Variants in KCNQ5 observed in about 807,000 individuals in gnomAD.
The protein encoded by KCNQ5 is potassium voltage-gated channel subfamily KQT member 5.
Under a neutral mutation model 98.2 loss-of-function variants are expected in KCNQ5, and 30 were observed. The observed-to-expected ratio is 0.31, with a 90% CI of 0.23 to 0.41. The LOEUF (loss-of-function observed/expected upper bound fraction) is 0.41, where lower values mean the gene tolerates loss of function less well. Among genes scored for constraint, KCNQ5 ranks in the 10% least tolerant of loss-of-function variants. The pLI, the probability that KCNQ5 is intolerant of heterozygous loss-of-function variation, is 1.00. For synonymous variants in KCNQ5, 458 were observed against 449.4 expected (o/e 1.02, Z -0.24); for missense variants, 835 against 1,182.5 (o/e 0.71, Z 4.31).
chr6:72,736,551 G>C (rs1310182632), intron 1 of KCNQ5, among the ~76,000 whole-genome samples: 3 of 128,648 alleles, frequency 2.3e-5, no homozygotes, highest in Admixed American at 1.9e-4. Context: ...CCAGGCTGGA[G>C]TGCAGTGGCG....
intron 1 of KCNQ5, among the ~76,000 whole-genome samples, chr6:72,738,644 G>A (rs1275556663): frequency 6.6e-6 from 1 of 152,054 alleles, no homozygotes; most frequent in Non-Finnish European, 1.5e-5. Context: ...AGAAATTAGG[G>A]CAACCAAGAT....
At chr6:72,817,616 G>T (rs752273764) in intron 1 of KCNQ5, among the ~76,000 whole-genome samples, 2 of 152,122 alleles carry the variant, frequency 1.3e-5, no homozygotes, top group Non-Finnish European at 1.5e-5. Context: ...ACTGAGGGCC[G>T]AGCTCAGTTG....
chr6:72,769,884 G>C (rs1296458122), intron 1 of KCNQ5, among the ~76,000 whole-genome samples: 3 of 152,126 alleles, frequency 2.0e-5, no homozygotes, highest in African/African-American at 7.2e-5. Context: ...CTGTTAATTT[G>C]ATAGAAGTGG....
chr6:73,021,095 G>A (rs532152623), intron 2 of KCNQ5, among the ~76,000 whole-genome samples: 14 of 152,026 alleles, frequency 9.2e-5, no homozygotes, highest in South Asian at 8.3e-4. Flanking sequence ...TTCTCAGCTC[G>A]CTCTCTTCTT....
At chr6:72,924,115 G>C (rs1780521783) in intron 1 of KCNQ5, among the ~76,000 whole-genome samples, 1 of 152,072 alleles carries the variant, frequency 6.6e-6, no homozygotes, top group African/African-American at 2.4e-5. Flanking sequence ...TTTTTCTAAA[G>C]AATATTAATG....
intron 1 of KCNQ5, among the ~76,000 whole-genome samples, chr6:72,881,500 A>C (rs1259286064): frequency 6.6e-6 from 1 of 152,148 alleles, no homozygotes; most frequent in Non-Finnish European, 1.5e-5. Context: ...CAATCATGTG[A>C]CAAGCATGAT....
intron 1 of KCNQ5, among the ~76,000 whole-genome samples, chr6:72,848,217 C>T (rs184607704): frequency 4.6e-4 from 70 of 151,540 alleles, no homozygotes; most frequent in African/African-American, 1.6e-3. Context: ...CTTAAAGTTC[C>T]GGGATACATG....
At chr6:72,798,870 C>T (rs1774484273) in intron 1 of KCNQ5, among the ~76,000 whole-genome samples, 2 of 151,782 alleles carry the variant, frequency 1.3e-5, no homozygotes, top group African/African-American at 4.8e-5. Context: ...ATCCCATTTT[C>T]CCTATTTGTG....
At position 73,138,970 on chromosome 6, in the gene KCNQ5, A is replaced by G. The variant is rs115076406; in HGVS notation, c.1468+5329A>G. Among the ~76,000 whole-genome samples, 1,479 of 152,292 alleles carry G rather than the reference A, an allele frequency of 9.7e-3. 29 individuals are homozygous for G. The highest frequency in any genetic ancestry group is 0.034 in the African/African-American group (1,413 of 41,548). ...TTCAACTACCTTAAACTATAATGCA[A>G]TTTATAATACCACATAGAAAGAGGC... On this transcript the variant is annotated intron_variant, in intron 10 of 13. Transcript: ENST00000370398.
intron 2 of KCNQ5, among the ~76,000 whole-genome samples, chr6:73,006,794 T>G (rs142236296): frequency 5.7e-4 from 87 of 152,298 alleles, no homozygotes; most frequent in African/African-American, 2.0e-3. Flanking sequence ...ATATCAAGAT[T>G]GTGTATTTTT....
At chr6:73,185,705 T>C (rs1161479049) in intron 11 of KCNQ5, among the ~76,000 whole-genome samples, 1 of 152,160 alleles carries the variant, frequency 6.6e-6, no homozygotes, top group Non-Finnish European at 1.5e-5. Flanking sequence ...GATGTGCTTC[T>C]AGGAGTTTGA....
intron 2 of KCNQ5, among the ~76,000 whole-genome samples, chr6:73,036,843 A>G (rs1771456688): frequency 6.6e-6 from 1 of 152,024 alleles, no homozygotes; most frequent in Admixed American, 6.6e-5. Context: ...ATAAGTTTTC[A>G]TGTCTCTGAC....
intron 1 of KCNQ5, among the ~76,000 whole-genome samples, chr6:72,793,370 C>T (rs1427166242): frequency 2.6e-5 from 4 of 152,102 alleles, no homozygotes; most frequent in Non-Finnish European, 5.9e-5. Context: ...ATTTGAGTTG[C>T]CAATAAAACA....
At chr6:72,836,411 T>G (rs1562014554) in intron 1 of KCNQ5, among the ~76,000 whole-genome samples, 1 of 152,082 alleles carries the variant, frequency 6.6e-6, no homozygotes, top group Non-Finnish European at 1.5e-5. Flanking sequence ...TGGAGAAGAA[T>G]TTACAAATTT....
At chr6:73,147,199 G>A (rs1296147816) in intron 10 of KCNQ5, among the ~76,000 whole-genome samples, 3 of 152,098 alleles carry the variant, frequency 2.0e-5, no homozygotes, top group Non-Finnish European at 2.9e-5. Context: ...ATAGGGTTAC[G>A]TGAGTAATAA....
At chr6:72,626,762 T>C (rs2098918173) in intron 1 of KCNQ5, among the ~76,000 whole-genome samples, 1 of 152,210 alleles carries the variant, frequency 6.6e-6, no homozygotes, top group Admixed American at 6.5e-5. Context: ...CTGTGGATCA[T>C]ACTAGAAAGG....
chr6:72,834,099 T>C (rs1032576966), intron 1 of KCNQ5, among the ~76,000 whole-genome samples: 4 of 152,148 alleles, frequency 2.6e-5, no homozygotes, highest in African/African-American at 9.6e-5. Context: ...GTATTTCTTT[T>C]ACAAATCCAA....
At chr6:72,869,653 C>T (rs912872739) in intron 1 of KCNQ5, among the ~76,000 whole-genome samples, 1 of 152,052 alleles carries the variant, frequency 6.6e-6, no homozygotes, top group Non-Finnish European at 1.5e-5. Context: ...AATGTTTTTA[C>T]ATTGAAAAGG....
At position 73,197,580 on chromosome 6, in the gene KCNQ5, TACACACACACACACACACACAC is replaced by T. The variant is rs545254868; in HGVS notation, c.*2207_*2228del. 9.8e-3 allele frequency: 1,038 copies of T among 105,496 alleles called. 17 individuals are homozygous for T. Among genetic ancestry groups the T allele is most frequent in the African/African-American group, 0.031 (902 of 28,830 alleles). 6.5% of individuals were successfully genotyped at this position (105,496 alleles called of 1,614,324 possible). ...GATTCCCCCTTGCAAGAATGTTGCA[TACACACACACACACACACACAC>T]ACACACACACACACACACACACACA... On this transcript the variant is annotated 3_prime_UTR_variant, in exon 14 of 14. Transcript: ENST00000370398.
Sources: gnomAD v4.1 joint callset for allele counts (sites outside exome capture counted in the v4.1 genomes callset) on GRCh38, gnomAD v4.1.1 for gene constraint, MANE v1.5 for transcripts, NCBI Gene and HGNC (gene_info 2026-07-23, HGNC 2026-07-21) for gene names.